NEK11: variants seen among roughly 807,000 people sequenced by gnomAD.
NEK11 encodes NIMA related kinase 11.
NEK11 carries 72 observed loss-of-function variants against 80.7 expected under a neutral mutation model. The ratio of observed to expected loss-of-function variants is 0.89; its 90% CI spans 0.74 to 1.08. The LOEUF (loss-of-function observed/expected upper bound fraction) is 1.08, where lower values mean the gene tolerates loss of function less well. NEK11 is among the 50% of genes least tolerant of loss of function. The pLI, the probability that NEK11 is intolerant of heterozygous loss-of-function variation, is 0.00. For synonymous variants in NEK11, 251 were observed against 260.7 expected (o/e 0.96, Z 0.36); for missense variants, 764 against 763.6 (o/e 1.00, Z -0.01).
chr3:131,292,830 T>C (rs569207557), intron 17 of NEK11, among the ~76,000 whole-genome samples: 16 of 152,318 alleles, frequency 1.1e-4, no homozygotes, highest in Admixed American at 3.9e-4. Context: ...GATTTATACC[T>C]GTTTCATTTT....
chr3:131,215,941 C>T (rs930569330), intron 14 of NEK11, among the ~76,000 whole-genome samples: 1 of 152,200 alleles, frequency 6.6e-6, no homozygotes, highest in Admixed American at 6.5e-5. Context: ...GAATTTTCTG[C>T]AGTGTTGGAA....
At chr3:131,185,056 G>T (rs1449730536) in intron 14 of NEK11, among the ~76,000 whole-genome samples, 8 of 152,152 alleles carry the variant, frequency 5.3e-5, no homozygotes, top group African/African-American at 1.9e-4. Flanking sequence ...TATTACAGGT[G>T]CACACTTGTT....
At chr3:131,055,407 T>C (rs1055043989) in intron 3 of NEK11, among the ~76,000 whole-genome samples, 1 of 152,018 alleles carries the variant, frequency 6.6e-6, no homozygotes, top group Admixed American at 6.6e-5. Flanking sequence ...TAAATACAAA[T>C]ATATAATATA....
At chr3:131,258,842 TC>T (rs2095862728) in intron 16 of NEK11, among the ~76,000 whole-genome samples, 1 of 152,198 alleles carries the variant, frequency 6.6e-6, no homozygotes, top group African/African-American at 2.4e-5. Flanking sequence ...CCCAAGTTGA[TC>T]CACTTTTTCC....
At chr3:131,152,054 A>G (rs1441551768) in intron 7 of NEK11, among the ~76,000 whole-genome samples, 1 of 152,202 alleles carries the variant, frequency 6.6e-6, no homozygotes, top group Admixed American at 6.5e-5. Context: ...TTTATGTATT[A>G]AAAGCTAATT....
At chr3:131,114,672 A>G (rs949885167) in intron 5 of NEK11, among the ~76,000 whole-genome samples, 3 of 152,184 alleles carry the variant, frequency 2.0e-5, no homozygotes, top group Non-Finnish European at 2.9e-5. Context: ...TTCCTCCCAA[A>G]GGGACCCCTC....
chr3:131,295,707 T>G (rs1241809233), intron 17 of NEK11, among the ~76,000 whole-genome samples: 4 of 152,200 alleles, frequency 2.6e-5, no homozygotes. Flanking sequence ...ATGCTATTGA[T>G]TTCTTTTTAT....
At chr3:131,192,226 A>C (rs1282962929) in intron 14 of NEK11, among the ~76,000 whole-genome samples, 2 of 152,176 alleles carry the variant, frequency 1.3e-5, no homozygotes, top group Non-Finnish European at 2.9e-5. Context: ...GCAGTTAAAA[A>C]TCACAATGAG....
At chr3:131,235,231 CTGATAAGAGTAGT>C (rs1220060942) in intron 15 of NEK11, among the ~76,000 whole-genome samples, 1 of 152,122 alleles carries the variant, frequency 6.6e-6, no homozygotes, top group African/African-American at 2.4e-5. Context: ...TGAGACACAG[CTGATAAGAGTAGT>C]TGCAGTGGAC....
At chr3:131,103,854 A>G (rs2078766331) in intron 4 of NEK11, among the ~76,000 whole-genome samples, 1 of 152,180 alleles carries the variant, frequency 6.6e-6, no homozygotes, top group Non-Finnish European at 1.5e-5. Flanking sequence ...CTCCTAGGCT[A>G]TGCACTGCAG....
At chr3:131,222,743 G>T (rs1328099163) in intron 14 of NEK11, among the ~76,000 whole-genome samples, 1 of 152,202 alleles carries the variant, frequency 6.6e-6, no homozygotes, top group African/African-American at 2.4e-5. Flanking sequence ...ATCAGCATCA[G>T]CTGGGAACTT....
chr3:131,170,702 AT>A (rs986554614), intron 13 of NEK11, 70 bp from the exon 14 acceptor site: 3 of 943,108 alleles, frequency 3.2e-6, no homozygotes, highest in Non-Finnish European at 3.5e-6. Context: ...AAATAAGAAT[AT>A]TTTTTTCATT....
Position 131,035,405 on chromosome 3 carries a change from A to G in NEK11, c.170+5527A>G, listed in dbSNP as rs947771266. Among the ~76,000 whole-genome samples the G allele has an allele frequency of 3.3e-5, 5 of 152,212 alleles. No homozygotes were observed. The East Asian group carries it at 9.6e-4, about 29-fold the overall frequency. On this transcript the variant is annotated intron_variant, in intron 3 of 17. Coordinates refer to ENST00000383366, the MANE Select transcript of NEK11 (RefSeq NM_024800.5). ...CCAAAAGCCAAAAAAGTCTGGGTCC[A>G]TTGTTGTAAAGCTCTCCATACTCCA...
chr3:131,256,495 TTAAGG>T (rs2095819274), intron 16 of NEK11, among the ~76,000 whole-genome samples: 1 of 152,208 alleles, frequency 6.6e-6, no homozygotes, highest in South Asian at 2.1e-4. Flanking sequence ...AAAACTGGTT[TTAAGG>T]TAAATGCAGA....
At chr3:131,310,113 T>C (rs938349804) in intron 17 of NEK11, among the ~76,000 whole-genome samples, 4 of 150,270 alleles carry the variant, frequency 2.7e-5, no homozygotes, top group African/African-American at 9.7e-5. Flanking sequence ...ATTGGTTCAC[T>C]GCCGATTCCC....
chr3:131,099,086 T>G (rs1036242815), intron 4 of NEK11, among the ~76,000 whole-genome samples: 3 of 152,230 alleles, frequency 2.0e-5, no homozygotes, highest in Non-Finnish European at 4.4e-5. Context: ...AGGTTTCTTC[T>G]AGAATTTTTA....
chr3:131,197,044 T>C (rs2094045506), intron 14 of NEK11, among the ~76,000 whole-genome samples: 1 of 152,096 alleles, frequency 6.6e-6, no homozygotes, highest in Non-Finnish European at 1.5e-5. Context: ...TGTTTTAGCC[T>C]AGTTACCATT....
intron 17 of NEK11, among the ~76,000 whole-genome samples, chr3:131,339,112 C>G (rs1316244002): frequency 6.6e-6 from 1 of 152,152 alleles, no homozygotes; most frequent in African/African-American, 2.4e-5. Context: ...TTTTCCCCTC[C>G]TTTCCCTGAG....
At position 131,329,059 on chromosome 3, in the gene NEK11, T is replaced by C. The variant is rs945613332; in HGVS notation, c.1719-20498T>C. The C allele has an allele frequency of 3.3e-5, 5 of 152,224 alleles. No individual in the cohort carries two copies. The South Asian group carries it at 8.3e-4, about 25-fold the overall frequency. 9.4% of individuals were successfully genotyped at this position (152,224 alleles called of 1,614,324 possible). ...AGGCAGAAACACTGTCCCTTCTGCATAGAATCCCTTTTTAAAAATTAATTA... is the reference window on the plus strand; with the variant it reads ...AGGCAGAAACACTGTCCCTTCTGCACAGAATCCCTTTTTAAAAATTAATTA... On this transcript the variant is annotated intron_variant, in intron 17 of 17. Coordinates refer to ENST00000383366, the MANE Select transcript of NEK11 (RefSeq NM_024800.5).
Sources: allele counts gnomAD v4.1 joint callset (sites outside exome capture counted in the v4.1 genomes callset), GRCh38; gene constraint gnomAD v4.1.1; transcripts MANE v1.5; gene names NCBI Gene and HGNC (gene_info 2026-07-23, HGNC 2026-07-21).